Variants in FLG observed in about 807,000 individuals in gnomAD.
FLG encodes the protein filaggrin.
In FLG, 6 loss-of-function variants were observed where a neutral mutation model predicts 3.8. That is an observed-to-expected ratio of 1.60 (90% CI 0.87 to 3.15). The LOEUF is 3.15. FLG is among the 30% of genes most tolerant of loss of function. FLG has a pLI of 0.00. For synonymous variants in FLG, 2,551 were observed against 1,931.6 expected (o/e 1.32, Z -8.41); for missense variants, 7,595 against 5,050.9 (o/e 1.50, Z -15.27).
Position 152,312,154 on chromosome 1 carries a change from G to T in FLG, c.2732C>A (p.Ser911Ter), listed in dbSNP as rs560401203. 1.2e-6 allele frequency: 2 copies of T among 1,613,920 alleles called. No individual in the cohort carries two copies. Among genetic ancestry groups the T allele is most frequent in the South Asian group, 2.2e-5 (2 of 91,048 alleles). Residue 911 changes from serine (S) to a stop codon, truncating the protein, a stop_gained, in exon 3 of 3, where the codon TCA (serine) becomes TAA (stop). Transcript: ENST00000368799. LOFTEE classifies it low-confidence loss of function (END_TRUNC). Reference sequence around the variant, plus strand: ...ATGAGAGGAAGCTTCATGGTGACGTGACCCTGAGTGCCTGGAGCCGTCTCT... The same window carrying T: ...ATGAGAGGAAGCTTCATGGTGACGTTACCCTGAGTGCCTGGAGCCGTCTCT... ...QSRDGSRHSG[S>*]RHHEASSHAD... is the part of the protein sequence containing the mutation.
chr1:152,313,342 G>C lies in FLG; in HGVS notation c.1544C>G (p.Thr515Ser). The change falls in exon 3 of 3, where the codon ACC becomes AGC. Residue 515 changes from threonine to serine, a missense_variant. Physicochemically the swap from Thr to Ser is moderately conservative, Grantham distance 58. Transcript: ENST00000368799. ...GCTTGACCCCGGGTGTCCACGAATG[G>C]TGTCCTGACCCTCTTGGGACGCTGA... Reference protein sequence around the residue: ...RHSASQEGQDTIRGHPGSSRG... With the variant: ...RHSASQEGQDSIRGHPGSSRG... 2 of 1,613,346 alleles carry C rather than the reference G, an allele frequency of 1.2e-6. No homozygotes were observed.
chr1:152,314,643 C>G lies in FLG; in HGVS notation c.243G>C (p.Leu81Phe). The G allele has an allele frequency of 6.2e-7, 1 of 1,614,046 alleles. No homozygotes were observed. Among genetic ancestry groups the G allele is most frequent in the Non-Finnish European group, 8.5e-7 (1 of 1,179,996 alleles). Residue 81 changes from leucine to phenylalanine, a missense_variant, in exon 3 of 3, where the codon TTG (leucine) becomes TTC (phenylalanine). By Grantham distance (22) the Leu-to-Phe change is conservative. Transcript: ENST00000368799. ...FTEFLLMVFK[L>F]AQAYYESTRK... ...TGGTAGACTCATAATATGCTTGAGC[C>G]AACTTGAATACCATCAGAAGAAACT... is the stretch of plus-strand genomic sequence containing the variant.
chr1:152,315,452 G>T lies in FLG; in HGVS notation c.5C>A (p.Ser2Tyr). The stretch of plus-strand genomic sequence containing the variant: ...GGCAAAGATGTTTTCCAGGAGAGTA[G>T]ACATCTTTTGGCAATAAATGTGAAC... M[S>Y]TLLENIFAII... is the part of the protein sequence containing the mutation. Residue 2 changes from serine to tyrosine, a missense_variant, in exon 2 of 3, where the codon TCT (serine) becomes TAT (tyrosine). Transcript: ENST00000368799. The T allele has an allele frequency of 1.2e-6, 2 of 1,611,000 alleles. No individual in the cohort carries two copies. The highest frequency in any genetic ancestry group is 8.5e-7 in the Non-Finnish European group (1 of 1,178,708).
Position 152,310,683 on chromosome 1 carries a change from A to G in FLG, c.4203T>C (p.His1401=), listed in dbSNP as rs376165154. The change falls in exon 3 of 3, where the codon CAT becomes CAC. Residue 1401 remains histidine (H), a synonymous_variant. Transcript: ENST00000368799. ...CTGACTGTGTGTCTGAGTCTTCTGA[A>G]TGTCCCTCACTGTTAGTGACCTGAC... is the stretch of plus-strand genomic sequence containing the variant. The part of the protein sequence containing the change: ...SGSQVTNSEG[H]SEDSDTQSVS... The G allele has an allele frequency of 8.1e-6, 13 of 1,613,604 alleles. No individual in the cohort carries two copies. In the Admixed American group the frequency reaches 1.2e-4, roughly 14 times the overall value.
rs371195748 is a variant in FLG at position 152,303,756 on chromosome 1, G to A, written c.11130C>T (p.Phe3710=). Residue 3710 remains phenylalanine, a synonymous_variant, in exon 3 of 3, where the codon TTC becomes TTT. Transcript: ENST00000368799. Reference sequence around the variant, plus strand: ...GTTCATGAGTGCTCACCTGGTAGAGGAAAGACCCTGAACGTCCAGACCTTC... The same window carrying A: ...GTTCATGAGTGCTCACCTGGTAGAGAAAAGACCCTGAACGTCCAGACCTTC... The part of the protein sequence containing the change: ...SAGRSGRSGS[F]LYQVSTHEQS... 1.2e-6 allele frequency: 2 copies of A among 1,613,756 alleles called. No individual in the cohort carries two copies. Among genetic ancestry groups the A allele is most frequent in the African/African-American group, 1.3e-5 (1 of 74,856 alleles).
rs1399799017 is a variant in FLG at position 152,314,329 on chromosome 1, T to C, written c.557A>G (p.Asn186Ser). ...NHHNSSKKEK[N>S]KTENTRLGDN... ...TCCTAATCTAGTATTTTCAGTCTTG[T>C]TTTTCTCTTTTTTACTTGAGTTATG... The change falls in exon 3 of 3, where the codon AAC becomes AGC. Residue 186 changes from asparagine (N) to serine (S), a missense_variant. Physicochemically the swap from Asn to Ser is conservative, Grantham distance 46. Coordinates refer to ENST00000368799, the MANE Select transcript of FLG (RefSeq NM_002016.2). 1.2e-6 allele frequency: 2 copies of C among 1,613,042 alleles called. No homozygotes were observed. Among genetic ancestry groups the C allele is most frequent in the Admixed American group, 3.3e-5 (2 of 59,950 alleles).
chr1:152,309,992 T>G lies in FLG; in HGVS notation c.4894A>C (p.Asn1632His), dbSNP rs1208421499. The G allele has an allele frequency of 1.1e-5, 17 of 1,613,886 alleles. No individual in the cohort carries two copies. The highest frequency in any genetic ancestry group is 3.3e-5 in the South Asian group (3 of 91,048). ...AREQSRHGSR[N>H]PRSHQEDRAS... ...CTATCTTCTTGATGGGACCTGGGGT[T>G]CCTGGAGCCATGTCTTGACTGCTCC... The change falls in exon 3 of 3, where the codon AAC becomes CAC. Residue 1632 changes from asparagine (N) to histidine (H), a missense_variant. Asn to His is a moderately conservative substitution (Grantham distance 68). Coordinates refer to ENST00000368799, the MANE Select transcript of FLG (RefSeq NM_002016.2).
In FLG at chr1:152,303,830, C is replaced by T. The variant is rs1204097111; in HGVS notation, c.11056G>A (p.Gly3686Arg). Residue 3686 changes from glycine (G) to arginine (R), a missense_variant, in exon 3 of 3, where the codon GGG (glycine) becomes AGG (arginine). Physicochemically the swap from Gly to Arg is moderately radical, Grantham distance 125. Transcript: ENST00000368799. ...TQSVSAHGQAGPHQQSHQEST... is the reference protein window; with the variant it reads ...TQSVSAHGQARPHQQSHQEST... The stretch of plus-strand genomic sequence containing the variant: ...TCTTGGTGGCTCTGCTGATGGGGCC[C>T]AGCCTGTCCGTGGGCTGACACTGAC... 6.2e-7 allele frequency: 1 copy of T among 1,613,696 alleles called. No homozygotes were observed. Among genetic ancestry groups the T allele is most frequent in the East Asian group, 2.2e-5 (1 of 44,762 alleles).
At position 152,314,207 on chromosome 1, in the gene FLG, AT is replaced by A. The variant is rs1222586539; in HGVS notation, c.678del (p.Lys226AsnfsTer26). 2.2e-5 allele frequency: 36 copies of A among 1,613,738 alleles called. No individual in the cohort carries two copies. The highest frequency in any genetic ancestry group is 2.9e-5 in the Non-Finnish European group (34 of 1,180,000). ...GTGGCAATATGGCCTGATTGTATCC[AT>A]TTTTGAGTCATTCTTCCTGTATTTT... ...DYENTGRMTQKWIQSGHIATY... is the reference protein window; with the variant it reads ...DYENTGRMTQXWIQSGHIATY... On this transcript the variant is annotated frameshift_variant, in exon 3 of 3. Coordinates refer to ENST00000368799, the MANE Select transcript of FLG (RefSeq NM_002016.2). LOFTEE classifies it low-confidence loss of function (END_TRUNC).
At position 152,310,010 on chromosome 1, in the gene FLG, A is replaced by G. The variant is rs1652279716; in HGVS notation, c.4876T>C (p.Ser1626Pro). ...RNHYGSAREQ[S>P]RHGSRNPRSH... is the part of the protein sequence containing the mutation. ...CTGGGGTTCCTGGAGCCATGTCTTG[A>G]CTGCTCCCGAGCAGATCCATAATGG... Residue 1626 changes from serine to proline, a missense_variant, in exon 3 of 3, where the codon TCA becomes CCA. Coordinates refer to ENST00000368799, the MANE Select transcript of FLG (RefSeq NM_002016.2). 6.2e-7 allele frequency: 1 copy of G among 1,613,668 alleles called. No individual in the cohort carries two copies. The highest frequency in any genetic ancestry group is 8.5e-7 in the Non-Finnish European group (1 of 1,179,938).
chr1:152,310,348 C>A lies in FLG; in HGVS notation c.4538G>T (p.Gly1513Val). Residue 1513 changes from glycine to valine, a missense_variant, in exon 3 of 3, where the codon GGA (glycine) becomes GTA (valine). Physicochemically the swap from Gly to Val is moderately radical, Grantham distance 109 (BLOSUM62 -3). Coordinates refer to ENST00000368799, the MANE Select transcript of FLG (RefSeq NM_002016.2). ...GTGGCTGTGATGGTACCCTGAGTGT[C>A]CAGACCTATCTACTGATTGCTCGTG... ...SYHEQSVDRS[G>V]HSGYHHSHTT... 1 of 1,613,844 alleles carries A rather than the reference C, an allele frequency of 6.2e-7. No individual in the cohort carries two copies. Among genetic ancestry groups the A allele is most frequent in the Non-Finnish European group, 8.5e-7 (1 of 1,179,924 alleles).
At position 152,308,354 on chromosome 1, in the gene FLG, C is replaced by G; in HGVS notation, c.6532G>C (p.Asp2178His). The part of the protein sequence containing the change: ...HSHTTSQGRS[D>H]ASRGQSGSRS... ...GATCCTGACTGCCCACGGGAGGCAT[C>G]AGACCTTCCCTGGGATGTGGTGTGG... The change falls in exon 3 of 3, where the codon GAT (aspartate) becomes CAT (histidine). Residue 2178 changes from aspartate to histidine, a missense_variant. By Grantham distance (81) the Asp-to-His change is moderately conservative. Transcript: ENST00000368799. 6.2e-7 allele frequency: 1 copy of G among 1,613,764 alleles called. No homozygotes were observed. The highest frequency in any genetic ancestry group is 1.1e-5 in the South Asian group (1 of 91,060).
Position 152,304,328 on chromosome 1 carries a change from G to A in FLG, c.10558C>T (p.Gln3520Ter), listed in dbSNP as rs754328064. The change falls in exon 3 of 3, where the codon CAG becomes TAG. Residue 3520 changes from glutamine (Q) to a stop codon, truncating the protein, a stop_gained. Transcript: ENST00000368799. LOFTEE classifies it low-confidence loss of function (END_TRUNC). ...CCCGCTGATTGTCCCTGGCCGGACTGTGAGTGTCTAGAGCTGTCCGCCTGA... is the reference window on the plus strand; with the variant it reads ...CCCGCTGATTGTCCCTGGCCGGACTATGAGTGTCTAGAGCTGTCCGCCTGA... ...STQADSSRHS[Q>*]SGQGQSAGPR... The A allele has an allele frequency of 2.0e-5, 33 of 1,611,718 alleles. No homozygotes were observed. The highest frequency in any genetic ancestry group is 2.6e-5 in the Non-Finnish European group (31 of 1,178,916).
Position 152,313,656 on chromosome 1 carries a change from G to T in FLG, c.1230C>A (p.Ser410Arg). The T allele has an allele frequency of 3.7e-6, 6 of 1,613,868 alleles. No individual in the cohort carries two copies. The highest frequency in any genetic ancestry group is 1.1e-5 in the South Asian group (1 of 91,048). The change falls in exon 3 of 3, where the codon AGC (serine) becomes AGA (arginine). Residue 410 changes from serine to arginine, a missense_variant. Physicochemically the swap from Ser to Arg is moderately radical, Grantham distance 110. Coordinates refer to ENST00000368799, the MANE Select transcript of FLG (RefSeq NM_002016.2). The part of the protein sequence containing the change: ...TGRGQASSAV[S>R]DRGHRGSSGS... Reference sequence around the variant, plus strand: ...CGCTAGACCCCCGGTGTCCACGATCGCTGACTGCAGATGAAGCTTGCCCGC... The same window carrying T: ...CGCTAGACCCCCGGTGTCCACGATCTCTGACTGCAGATGAAGCTTGCCCGC...
chr1:152,319,124 C>T (rs1652876435), intron 1 of FLG, among the ~76,000 whole-genome samples: 1 of 151,612 alleles, frequency 6.6e-6, no homozygotes, highest in Non-Finnish European at 1.5e-5. Flanking sequence ...AACATAAAGT[C>T]AGAGATACAG....
At position 152,307,333 on chromosome 1, in the gene FLG, C is replaced by G. The variant is rs199917335; in HGVS notation, c.7553G>C (p.Arg2518Pro). 1.2e-6 allele frequency: 2 copies of G among 1,612,782 alleles called. No homozygotes were observed. The highest frequency in any genetic ancestry group is 1.1e-5 in the South Asian group (1 of 90,990). The change falls in exon 3 of 3, where the codon CGT becomes CCT. Residue 2518 changes from arginine (R) to proline (P), a missense_variant. Physicochemically the swap from Arg to Pro is moderately radical, Grantham distance 103. Transcript: ENST00000368799. ...GCCGTCTCCTGATTGTTCATCGTTA[C>G]GAGTTTGTCTGCTTGCACTTCTGGA... ...SGSRSASRQT[R>P]NDEQSGDGSR...
rs139043400 is a variant in FLG at position 152,312,754 on chromosome 1, C to T, written c.2132G>A (p.Arg711His). 311 of 1,613,376 alleles carry T rather than the reference C, an allele frequency of 1.9e-4. 1 individual carries two copies. The highest frequency in any genetic ancestry group is 1.2e-3 in the Admixed American group (69 of 59,990). Reference sequence around the variant, plus strand: ...GCTGTCTGCTGACTGGAGCTGGTGGCGGGATCCATGTCTTTCTCCTGCACT... The same window carrying T: ...GCTGTCTGCTGACTGGAGCTGGTGGTGGGATCCATGTCTTTCTCCTGCACT... The part of the protein sequence containing the change: ...RSSAGERHGS[R>H]HQLQSADSSR... Residue 711 changes from arginine to histidine, a missense_variant, in exon 3 of 3, where the codon CGC becomes CAC. Physicochemically the swap from Arg to His is conservative, Grantham distance 29. Coordinates refer to ENST00000368799, the MANE Select transcript of FLG (RefSeq NM_002016.2).
In FLG at chr1:152,312,746, G is replaced by A. The variant is rs1652544580; in HGVS notation, c.2140C>T (p.Leu714Phe). 6.2e-7 allele frequency: 1 copy of A among 1,613,898 alleles called. No individual in the cohort carries two copies. Among genetic ancestry groups the A allele is most frequent in the Non-Finnish European group, 8.5e-7 (1 of 1,179,992 alleles). The change falls in exon 3 of 3, where the codon CTC (leucine) becomes TTC (phenylalanine). Residue 714 changes from leucine to phenylalanine, a missense_variant. Coordinates refer to ENST00000368799, the MANE Select transcript of FLG (RefSeq NM_002016.2). Reference sequence around the variant, plus strand: ...TGTCTGGAGCTGTCTGCTGACTGGAGCTGGTGGCGGGATCCATGTCTTTCT... The same window carrying A: ...TGTCTGGAGCTGTCTGCTGACTGGAACTGGTGGCGGGATCCATGTCTTTCT... Reference protein sequence around the residue: ...AGERHGSRHQLQSADSSRHSG... With the variant: ...AGERHGSRHQFQSADSSRHSG...
At position 152,313,891 on chromosome 1, in the gene FLG, C is replaced by A. The variant is rs41267154; in HGVS notation, c.995G>T (p.Gly332Val). ...ATCATGGGACCTGGGGTGTCTGGAG[C>A]CATCTCTTGACTGCTCCCACGCAGA... ...HGSAWEQSRD[G>V]SRHPRSHDED... is the part of the protein sequence containing the mutation. Residue 332 changes from glycine (G) to valine (V), a missense_variant, in exon 3 of 3, where the codon GGC becomes GTC. Physicochemically the swap from Gly to Val is moderately radical, Grantham distance 109. Transcript: ENST00000368799. 0.2 allele frequency: 323,377 copies of A among 1,613,808 alleles called. 42,226 individuals are homozygous for A. The highest frequency in any genetic ancestry group is 0.6 in the East Asian group (27,083 of 44,822).
Sources: gnomAD v4.1 joint callset for allele counts (sites outside exome capture counted in the v4.1 genomes callset) on GRCh38, gnomAD v4.1.1 for gene constraint, MANE v1.5 for transcripts, NCBI Gene and HGNC (gene_info 2026-07-23, HGNC 2026-07-21) for gene names.